ASIC2: variants seen among roughly 807,000 people sequenced by gnomAD.
ASIC2 encodes the protein acid-sensing ion channel 2.
Under a neutral mutation model 57.3 loss-of-function variants are expected in ASIC2, and 25 were observed. The ratio of observed to expected loss-of-function variants is 0.44; its 90% CI spans 0.32 to 0.61. The LOEUF (loss-of-function observed/expected upper bound fraction) is 0.61, where lower values mean the gene tolerates loss of function less well. Among genes scored for constraint, ASIC2 ranks in the 20% least tolerant of loss-of-function variants. The probability of loss-of-function intolerance (pLI) is 0.06; values close to 1 mark genes in which losing one functional copy is unlikely to be tolerated. For missense variants in ASIC2, 641 were observed against 738.1 expected (o/e 0.87, Z 1.52); for synonymous variants, 319 against 307.5 (o/e 1.04, Z -0.39).
intron 1 of ASIC2, among the ~76,000 whole-genome samples, chr17:34,058,702 C>CCT (rs10643918): frequency 0.52 from 79,137 of 151,728 alleles, 23,693 homozygotes; most frequent in African/African-American, 0.84. Flanking sequence ...TGTGGATCCC[C>CCT]GTTTTCTTTG....
chr17:33,740,500 C>T (rs972785684), intron 1 of ASIC2, among the ~76,000 whole-genome samples: 1 of 152,194 alleles, frequency 6.6e-6, no homozygotes, highest in Non-Finnish European at 1.5e-5. Context: ...AGAACAGCAG[C>T]ATGGGGGTAA....
At chr17:33,857,719 A>G in intron 1 of ASIC2, among the ~76,000 whole-genome samples, 1 of 152,208 alleles carries the variant, frequency 6.6e-6, no homozygotes, top group South Asian at 2.1e-4. Context: ...TGAATCCAGG[A>G]CAGAGCTGGG....
chr17:33,655,447 A>G (rs1402089351), intron 1 of ASIC2, among the ~76,000 whole-genome samples: 2 of 152,164 alleles, frequency 1.3e-5, no homozygotes, highest in Non-Finnish European at 2.9e-5. Context: ...TGCCCACTGC[A>G]TTCCTTCTAG....
At chr17:34,119,047 G>A (rs1026463377) in intron 1 of ASIC2, among the ~76,000 whole-genome samples, 3 of 152,302 alleles carry the variant, frequency 2.0e-5, no homozygotes, top group African/African-American at 7.2e-5. Context: ...GAACAGAAAC[G>A]GTTCATCCTA....
intron 1 of ASIC2, among the ~76,000 whole-genome samples, chr17:33,518,069 G>T (rs1345638544): frequency 6.6e-6 from 1 of 152,122 alleles, no homozygotes; most frequent in East Asian, 1.9e-4. Context: ...ATATCTATTT[G>T]CCCCTCTGAT....
intron 1 of ASIC2, among the ~76,000 whole-genome samples, chr17:33,678,239 G>A (rs1197875159): frequency 6.6e-6 from 1 of 152,128 alleles, no homozygotes; most frequent in Non-Finnish European, 1.5e-5. Flanking sequence ...GTAGACCACA[G>A]TATAATGTAA....
At chr17:33,094,327 C>A (rs1039467765) in intron 2 of ASIC2, among the ~76,000 whole-genome samples, 1 of 152,082 alleles carries the variant, frequency 6.6e-6, no homozygotes, top group Non-Finnish European at 1.5e-5. Flanking sequence ...GGGTTGGGGG[C>A]TGGAGGGAGA....
chr17:33,528,027 A>C (rs1392126046), intron 1 of ASIC2, among the ~76,000 whole-genome samples: 1 of 152,176 alleles, frequency 6.6e-6, no homozygotes, highest in Non-Finnish European at 1.5e-5. Context: ...TGGTAACCCC[A>C]AGAAGAAGTC....
At chr17:33,854,155 C>T (rs1913851352) in intron 1 of ASIC2, among the ~76,000 whole-genome samples, 1 of 152,194 alleles carries the variant, frequency 6.6e-6, no homozygotes, top group African/African-American at 2.4e-5. Context: ...GGAGGAGGCA[C>T]ATTTCTTTGC....
chr17:33,997,307 ATTTTTTTTTTTTTTTTTT>A (rs71147411), intron 1 of ASIC2, among the ~76,000 whole-genome samples: 1 of 85,766 alleles, frequency 1.2e-5, no homozygotes, highest in Admixed American at 1.5e-4. Flanking sequence ...TGCACGGTTA[ATTTTTTTTTTTTTTTTTT>A]TTTTTTTTTG....
chr17:33,391,593 G>A (rs573971046), intron 1 of ASIC2, among the ~76,000 whole-genome samples: 3 of 152,246 alleles, frequency 2.0e-5, no homozygotes, highest in Admixed American at 2.0e-4. Flanking sequence ...GGACTTTGAC[G>A]ATCACCTCTC....
intron 1 of ASIC2, chr17:34,001,832 T>A (rs1906355130): frequency 6.6e-6 from 1 of 152,276 alleles, no homozygotes; most frequent in Non-Finnish European, 1.5e-5. Context: ...CCTGGATTCC[T>A]TCAGCTCTTG....
At chr17:33,095,876 C>T (rs1400954830) in intron 2 of ASIC2, among the ~76,000 whole-genome samples, 1 of 152,208 alleles carries the variant, frequency 6.6e-6, no homozygotes, top group Non-Finnish European at 1.5e-5. Context: ...ATCCTTTGGG[C>T]CTCACTGCTA....
chr17:33,666,927 C>T (rs1907492899), intron 1 of ASIC2, among the ~76,000 whole-genome samples: 1 of 152,104 alleles, frequency 6.6e-6, no homozygotes, highest in South Asian at 2.1e-4. Context: ...ATAAGAACAT[C>T]CCATACAATA....
Position 33,282,477 on chromosome 17 carries a change from T to TTG in ASIC2, c.708+8929_708+8930dup, listed in dbSNP as rs71144870. On this transcript the variant is annotated intron_variant, in intron 1 of 9. Transcript: ENST00000225823. ...TATGTGTGTGTGTGTGTGTGTGTGC[T>TTG]TGTGTGTGTGTGTGTGTGACAGATC... Among the ~76,000 whole-genome samples, 77 of 144,792 alleles carry TTG rather than the reference T, an allele frequency of 5.3e-4. 1 individual carries two copies. In the South Asian group the frequency reaches 9.8e-3, roughly 18 times the overall value. The allele number at this position is 144,792 out of a possible 152,430, so 95.0% of individuals were successfully genotyped here.
At chr17:33,620,374 A>T (rs1328595339) in intron 1 of ASIC2, among the ~76,000 whole-genome samples, 2 of 152,166 alleles carry the variant, frequency 1.3e-5, no homozygotes, top group Non-Finnish European at 2.9e-5. Flanking sequence ...CTACTCCACC[A>T]AATTTCAGCA....
In ASIC2 at chr17:33,953,018, T is replaced by C. The variant is rs936325602; in HGVS notation, c.555+202960A>G. Among the ~76,000 whole-genome samples, 4 of 152,202 alleles carry C rather than the reference T, an allele frequency of 2.6e-5. No individual in the cohort carries two copies. The East Asian group carries it at 7.7e-4, about 29-fold the overall frequency. ...ATATTTTTTGTATTTAAAATGACTA[T>C]CATATATTATTTTATAATGGGTTAA... On this transcript the variant is annotated intron_variant, in intron 1 of 9. Transcript: ENST00000359872.
chr17:33,409,760 T>C (rs982721223), intron 1 of ASIC2, among the ~76,000 whole-genome samples: 1 of 152,146 alleles, frequency 6.6e-6, no homozygotes, highest in Non-Finnish European at 1.5e-5. Context: ...ACAGCTAGAA[T>C]AGAGCCTCAG....
intron 1 of ASIC2, among the ~76,000 whole-genome samples, chr17:33,679,138 G>A (rs1844740): frequency 0.1 from 15,147 of 152,180 alleles, 1,069 homozygotes; most frequent in African/African-American, 0.19. Context: ...TCCAGAACAA[G>A]GCTAGAACAA....
Sources: gnomAD v4.1 joint callset for allele counts (sites outside exome capture counted in the v4.1 genomes callset) on GRCh38, gnomAD v4.1.1 for gene constraint, MANE v1.5 for transcripts, NCBI Gene and HGNC (gene_info 2026-07-23, HGNC 2026-07-21) for gene names.